FGF14: variants seen among roughly 807,000 people sequenced by gnomAD.
FGF14 encodes the protein fibroblast growth factor 14.
In FGF14, 5 loss-of-function variants were observed where a neutral mutation model predicts 25.5. That is an observed-to-expected ratio of 0.20 (90% CI 0.10 to 0.41). The LOEUF (loss-of-function observed/expected upper bound fraction) is 0.41, where lower values mean the gene tolerates loss of function less well. Among genes scored for constraint, FGF14 ranks in the 10% least tolerant of loss-of-function variants. The pLI is 1.00. For missense variants in FGF14, 222 were observed against 320.1 expected, an observed-to-expected ratio of 0.69 and a Z score of 2.34; for synonymous variants, 138 against 118.3, an observed-to-expected ratio of 1.17 and a Z score of -1.08.
intron 3 of FGF14, among the ~76,000 whole-genome samples, chr13:101,863,017 AC>A (rs1174680327): frequency 6.6e-6 from 1 of 152,136 alleles, no homozygotes; most frequent in Non-Finnish European, 1.5e-5. Context: ...TTCCAATGAA[AC>A]ATACACATAC....
rs559662443 is a variant in FGF14, at chr13:101,796,811, C to T, written c.409-70001G>A. The stretch of plus-strand genomic sequence containing the variant: ...ATACATTTCTGTGCTTTAAGCCCCC[C>T]GGTTGGTAGTACATTGTTACGGCAG... On this transcript the variant is annotated intron_variant, in intron 3 of 4. Coordinates refer to ENST00000376143, the MANE Select transcript of FGF14 (RefSeq NM_004115.4). Among the ~76,000 whole-genome samples, 4 of 152,200 alleles carry T rather than the reference C, an allele frequency of 2.6e-5. No homozygotes were observed. In the South Asian group the frequency reaches 8.3e-4, roughly 32 times the overall value.
intron 1 of FGF14, among the ~76,000 whole-genome samples, chr13:101,959,994 T>C (rs2036746788): frequency 6.6e-6 from 1 of 152,226 alleles, no homozygotes; most frequent in East Asian, 1.9e-4. Flanking sequence ...AGCTTAACCA[T>C]TTAAAGCTTT....
At chr13:102,359,853 TA>T (rs34833298) in intron 1 of FGF14, among the ~76,000 whole-genome samples, 20,593 of 140,618 alleles carry the variant, frequency 0.15, 1,458 homozygotes, top group Non-Finnish European at 0.18. Context: ...AACTTTATGT[TA>T]AAAAAAAAAA....
intron 1 of FGF14, among the ~76,000 whole-genome samples, chr13:101,983,957 C>A (rs772394455): frequency 6.6e-6 from 1 of 152,160 alleles, no homozygotes; most frequent in Non-Finnish European, 1.5e-5. Flanking sequence ...TCACTGGTCA[C>A]GCTTTCCCAT....
chr13:101,863,169 C>G (rs1308660763), intron 3 of FGF14, among the ~76,000 whole-genome samples: 1 of 152,030 alleles, frequency 6.6e-6, no homozygotes, highest in East Asian at 1.9e-4. Flanking sequence ...GTTTAATATA[C>G]TTTTTATGAT....
intron 1 of FGF14, among the ~76,000 whole-genome samples, chr13:102,292,080 G>A (rs2054433844): frequency 6.6e-6 from 1 of 152,002 alleles, no homozygotes; most frequent in Non-Finnish European, 1.5e-5. Flanking sequence ...AGCGCTTGCA[G>A]AATGGCTGGC....
At chr13:102,154,538 AC>A (rs1461987020) in intron 1 of FGF14, among the ~76,000 whole-genome samples, 4 of 152,188 alleles carry the variant, frequency 2.6e-5, no homozygotes, top group African/African-American at 9.7e-5. Flanking sequence ...GAAAGGAACA[AC>A]CGGTACCAGC....
At chr13:101,770,613 G>A (rs996098817) in intron 3 of FGF14, among the ~76,000 whole-genome samples, 7 of 151,998 alleles carry the variant, frequency 4.6e-5, no homozygotes, top group Admixed American at 1.3e-4. Context: ...TGTAACTACA[G>A]AACAAGAAAG....
chr13:101,908,233 T>G (rs2032489720), intron 1 of FGF14, among the ~76,000 whole-genome samples: 1 of 152,172 alleles, frequency 6.6e-6, no homozygotes, highest in Non-Finnish European at 1.5e-5. Context: ...TTCAGCCAAA[T>G]TCAGCCTTGT....
At chr13:101,956,112 C>G (rs973265908) in intron 1 of FGF14, among the ~76,000 whole-genome samples, 2 of 152,220 alleles carry the variant, frequency 1.3e-5, no homozygotes, top group African/African-American at 4.8e-5. Flanking sequence ...ACCTCTGCAA[C>G]TCTCTGAGGA....
chr13:102,347,982 G>A (rs146690707), intron 1 of FGF14, among the ~76,000 whole-genome samples: 4 of 149,820 alleles, frequency 2.7e-5, no homozygotes, highest in Admixed American at 6.6e-5. Flanking sequence ...GAATGCATAC[G>A]ACCCTAAGTA....
intron 1 of FGF14, among the ~76,000 whole-genome samples, chr13:102,199,124 C>T (rs999480481): frequency 6.6e-6 from 1 of 152,076 alleles, no homozygotes; most frequent in Non-Finnish European, 1.5e-5. Flanking sequence ...GTTTTATTAT[C>T]TTTGCTGTGA....
At chr13:101,811,202 T>C (rs906565297) in intron 3 of FGF14, among the ~76,000 whole-genome samples, 3 of 152,054 alleles carry the variant, frequency 2.0e-5, no homozygotes. Context: ...ATGACATATA[T>C]CCACTATTAT....
intron 1 of FGF14, among the ~76,000 whole-genome samples, chr13:102,391,076 A>AT (rs1236450450): frequency 6.6e-6 from 1 of 152,200 alleles, no homozygotes; most frequent in Non-Finnish European, 1.5e-5. Flanking sequence ...TCCTAATGTA[A>AT]TGAATGTAAA....
At chr13:102,202,389 A>T (rs2049700435) in intron 1 of FGF14, among the ~76,000 whole-genome samples, 1 of 152,054 alleles carries the variant, frequency 6.6e-6, no homozygotes, top group African/African-American at 2.4e-5. Flanking sequence ...TCATTCCCCC[A>T]CACAAAAAGG....
At chr13:102,039,397 A>G (rs1219625561) in intron 1 of FGF14, among the ~76,000 whole-genome samples, 1 of 152,160 alleles carries the variant, frequency 6.6e-6, no homozygotes. Flanking sequence ...GTGGCTCAGA[A>G]CAGCAGGCAT....
intron 1 of FGF14, among the ~76,000 whole-genome samples, chr13:101,887,667 A>G (rs2046066194): frequency 2.0e-5 from 3 of 152,164 alleles, no homozygotes; most frequent in Non-Finnish European, 2.9e-5. Context: ...CCAGTATTTG[A>G]TAGCACATTA....
chr13:102,252,986 A>T (rs2052260277), intron 1 of FGF14, among the ~76,000 whole-genome samples: 2 of 152,212 alleles, frequency 1.3e-5, no homozygotes, highest in Admixed American at 1.3e-4. Context: ...ATGTCCCTGC[A>T]AAGGACAAGA....
chr13:102,357,694 G>A (rs1403941004), intron 1 of FGF14, among the ~76,000 whole-genome samples: 1 of 152,138 alleles, frequency 6.6e-6, no homozygotes, highest in African/African-American at 2.4e-5. Context: ...TAGATGAAGT[G>A]TTTAGAACGG....
Sources: gnomAD v4.1 joint callset for allele counts (sites outside exome capture counted in the v4.1 genomes callset) on GRCh38, gnomAD v4.1.1 for gene constraint, MANE v1.5 for transcripts, NCBI Gene and HGNC (gene_info 2026-07-23, HGNC 2026-07-21) for gene names.